Variants in PHF24 observed in about 807,000 individuals in gnomAD.
PHF24 encodes Galpha inhibitory interacting protein.
In PHF24, 25 loss-of-function variants were observed where a neutral mutation model predicts 42.6. That is an observed-to-expected ratio of 0.59 (90% CI 0.43 to 0.82). The LOEUF (loss-of-function observed/expected upper bound fraction) is 0.82, where lower values mean the gene tolerates loss of function less well. Among genes scored for constraint, PHF24 ranks in the 40% least tolerant of loss-of-function variants. The probability of loss-of-function intolerance (pLI) is 0.00; values close to 1 mark genes in which losing one functional copy is unlikely to be tolerated. For missense variants in PHF24, 470 were observed against 538.1 expected (o/e 0.87, Z 1.25); for synonymous variants, 185 against 204.8 (o/e 0.90, Z 0.83).
chr9:34,941,717 C>T, the PHF24 span, among the ~76,000 whole-genome samples: 1 of 152,128 alleles, frequency 6.6e-6, no homozygotes, highest in Non-Finnish European at 1.5e-5. Flanking sequence ...CTCACTGTAA[C>T]CTTACATGGT....
chr9:34,835,906 G>A, the PHF24 span: 4 of 844,016 alleles, frequency 4.7e-6, no homozygotes, highest in Middle Eastern at 2.2e-4. Context: ...GACCTGTGAT[G>A]GACTCCTCGA....
the PHF24 span, among the ~76,000 whole-genome samples, chr9:34,807,887 A>G: frequency 2.0e-5 from 3 of 152,326 alleles, no homozygotes; most frequent in African/African-American, 7.2e-5. Context: ...CTTTACGTGC[A>G]CTGACATAAC....
At chr9:34,917,391 G>C in the PHF24 span, 1 of 771,578 alleles carries the variant, frequency 1.3e-6, no homozygotes, top group Non-Finnish European at 2.4e-6. Flanking sequence ...CAGTCTGAAG[G>C]CTCCAACAGT....
chr9:34,854,192 ATCTATT>A, the PHF24 span, among the ~76,000 whole-genome samples: 501 of 69,864 alleles, frequency 7.2e-3, 2 homozygotes, highest in African/African-American at 0.012. Context: ...CTAGCAGTCT[ATCTATT>A]TTTTTTTTTT....
At chr9:34,903,413 A>C in the PHF24 span, among the ~76,000 whole-genome samples, 1 of 152,148 alleles carries the variant, frequency 6.6e-6, no homozygotes, top group African/African-American at 2.4e-5. Context: ...CAAAAAATAA[A>C]AAATTAGCTG....
chr9:34,976,848 T>G (rs913980020), intron 5 of PHF24, 108 bp downstream of exon 5: 2 of 1,031,164 alleles, frequency 1.9e-6, no homozygotes, highest in Non-Finnish European at 2.8e-6. Context: ...CAGGGACAAG[T>G]ATCAGGAATG....
chr9:34,689,492 C>CTT, the PHF24 span: 802 of 230,076 alleles, frequency 3.5e-3, 1 homozygote, highest in Admixed American at 8.4e-3. The surrounding 1 kb of genome is among the most constrained non-coding windows in gnomAD (Gnocchi z 4.1). Context: ...TGCCAGGTGC[C>CTT]TTTTTTTTTT....
At chr9:34,690,006 C>T in the PHF24 span, 1 of 1,614,024 alleles carries the variant, frequency 6.2e-7, no homozygotes, top group Non-Finnish European at 8.5e-7. Flanking sequence ...GAGCTGGCGG[C>T]CCCTCAGTGT....
chr9:34,804,406 G>A, the PHF24 span, among the ~76,000 whole-genome samples: 1 of 152,146 alleles, frequency 6.6e-6, no homozygotes. Flanking sequence ...TAAGGGCAGT[G>A]TTATATAAAG....
chr9:34,954,198 C>A (rs530287830), upstream of PHF24, among the ~76,000 whole-genome samples: 3 of 152,074 alleles, frequency 2.0e-5, no homozygotes, highest in African/African-American at 7.2e-5. Context: ...TCAGAAGAAC[C>A]AAGACGTAGG....
the PHF24 span, among the ~76,000 whole-genome samples, chr9:34,855,519 C>A: frequency 6.6e-6 from 1 of 152,138 alleles, no homozygotes; most frequent in African/African-American, 2.4e-5. Flanking sequence ...GATCTTATTT[C>A]TCCTTTGCTT....
At chr9:34,797,490 G>A in the PHF24 span, among the ~76,000 whole-genome samples, 34 of 152,270 alleles carry the variant, frequency 2.2e-4, no homozygotes, top group Non-Finnish European at 1.5e-5. Context: ...GGATTGGGAA[G>A]GTTCTCCCCC....
chr9:34,823,863 C>T, the PHF24 span, among the ~76,000 whole-genome samples: 1 of 152,288 alleles, frequency 6.6e-6, no homozygotes, highest in East Asian at 1.9e-4. Context: ...TCAGATCTAA[C>T]ACTCTATCAC....
the PHF24 span, among the ~76,000 whole-genome samples, chr9:34,815,905 T>C: frequency 6.6e-6 from 1 of 152,180 alleles, no homozygotes; most frequent in Non-Finnish European, 1.5e-5. Context: ...CTGATGCTCC[T>C]CAGGGGACAG....
the PHF24 span, among the ~76,000 whole-genome samples, chr9:34,883,200 T>C: frequency 1.3e-5 from 2 of 152,126 alleles, no homozygotes; most frequent in Non-Finnish European, 2.9e-5. Flanking sequence ...TTACACCTTA[T>C]ACAAAAATTA....
the PHF24 span, among the ~76,000 whole-genome samples, chr9:34,743,158 C>A: frequency 6.6e-6 from 1 of 152,176 alleles, no homozygotes; most frequent in Non-Finnish European, 1.5e-5. Context: ...GCTCAAAGAC[C>A]TTTTATCTCT....
the PHF24 span, chr9:34,723,003 A>C: frequency 1.8e-6 from 1 of 569,298 alleles, no homozygotes; most frequent in Non-Finnish European, 2.9e-6. Flanking sequence ...CCTCCCTCAC[A>C]CCTTCCCTTA....
At chr9:34,834,145 G>A in the PHF24 span, 15 of 1,535,480 alleles carry the variant, frequency 9.8e-6, no homozygotes, top group East Asian at 1.5e-4. Context: ...CCAGGAACTG[G>A]CTTTCTGGAA....
the PHF24 span, among the ~76,000 whole-genome samples, chr9:34,877,525 T>C: frequency 6.6e-6 from 1 of 152,124 alleles, no homozygotes; most frequent in Non-Finnish European, 1.5e-5. Context: ...CTGTTTGGTA[T>C]GATGAAAAAG....
Sources: allele counts gnomAD v4.1 joint callset (sites outside exome capture counted in the v4.1 genomes callset), GRCh38; gene constraint gnomAD v4.1.1; non-coding constraint Gnocchi (gnomAD v3.1); transcripts MANE v1.5; gene names NCBI Gene and HGNC (gene_info 2026-07-23, HGNC 2026-07-21).